HS3ST4: variants seen among roughly 807,000 people sequenced by gnomAD.
The protein encoded by HS3ST4 is heparan sulfate-glucosamine 3-sulfotransferase 4, also known as heparan sulfate glucosamine 3-O-sulfotransferase 4.
In HS3ST4, 17 loss-of-function variants were observed where a neutral mutation model predicts 29.2. The ratio of observed to expected loss-of-function variants is 0.58; its 90% CI spans 0.40 to 0.87. HS3ST4 has a LOEUF of 0.87. Ranked by LOEUF, HS3ST4 falls within the 40% of genes least tolerant of loss-of-function variation. The pLI is 0.00. For missense variants in HS3ST4, 627 were observed against 634.5 expected (o/e 0.99, Z 0.13); for synonymous variants, 314 against 285.7 (o/e 1.10, Z -1.00).
chr16:25,806,344 C>T (rs866837827), intron 1 of HS3ST4, among the ~76,000 whole-genome samples: 5 of 140,826 alleles, frequency 3.6e-5, no homozygotes, highest in African/African-American at 5.2e-5. Flanking sequence ...TATGTGTCTA[C>T]GTGGGGGCAG....
intron 1 of HS3ST4, among the ~76,000 whole-genome samples, chr16:25,860,024 G>A (rs1340093388): frequency 1.3e-5 from 2 of 152,154 alleles, no homozygotes; most frequent in African/African-American, 2.4e-5. Flanking sequence ...CTGTGCATGC[G>A]AGGGATCTAG....
At chr16:26,013,019 T>C (rs4522425) in intron 1 of HS3ST4, among the ~76,000 whole-genome samples, 108,010 of 151,600 alleles carry the variant, frequency 0.71, 39,881 homozygotes, top group African/African-American at 0.91. Flanking sequence ...AAAAATTAGC[T>C]GGGTGTGGTG....
chr16:26,062,913 C>A, intron 1 of HS3ST4: 1 of 226,612 alleles, frequency 4.4e-6, no homozygotes, highest in South Asian at 7.3e-5. Flanking sequence ...CACCAACTTT[C>A]ATGCTAACTG....
intron 1 of HS3ST4, among the ~76,000 whole-genome samples, chr16:26,119,249 G>T (rs1413075474): frequency 6.6e-6 from 1 of 152,334 alleles, no homozygotes; most frequent in South Asian, 2.1e-4. Flanking sequence ...CTCTTGCTCA[G>T]TGTGGGTAAT....
At chr16:25,990,247 G>A (rs1376819031) in intron 1 of HS3ST4, among the ~76,000 whole-genome samples, 2 of 152,284 alleles carry the variant, frequency 1.3e-5, no homozygotes, top group South Asian at 2.1e-4. Flanking sequence ...GTGGACATAC[G>A]TTTTCAGCTC....
chr16:25,727,446 A>G (rs992047739), intron 1 of HS3ST4, among the ~76,000 whole-genome samples: 5 of 152,362 alleles, frequency 3.3e-5, no homozygotes, highest in East Asian at 1.9e-4. Flanking sequence ...TATTACTTCA[A>G]TTAAAAATAG....
At chr16:25,931,733 G>A (rs1968465998) in intron 1 of HS3ST4, among the ~76,000 whole-genome samples, 1 of 152,224 alleles carries the variant, frequency 6.6e-6, no homozygotes, top group South Asian at 2.1e-4. Flanking sequence ...CAGAAAGGGA[G>A]TCTGTTATTA....
At chr16:26,034,340 G>T (rs758074952) in intron 1 of HS3ST4, among the ~76,000 whole-genome samples, 2 of 152,182 alleles carry the variant, frequency 1.3e-5, no homozygotes, top group African/African-American at 4.8e-5. Flanking sequence ...ACCGAAGCCT[G>T]ACCACAGCAC....
chr16:26,085,456 A>G (rs1319877300), intron 1 of HS3ST4, among the ~76,000 whole-genome samples: 10 of 152,228 alleles, frequency 6.6e-5, no homozygotes, highest in Non-Finnish European at 1.5e-4. Flanking sequence ...TTCATTAAGA[A>G]ATGAATACAC....
In HS3ST4 at chr16:25,790,531, T is replaced by C. The variant is rs1966866982; in HGVS notation, c.734+97380T>C. Among the ~76,000 whole-genome samples, 4 of 152,370 alleles carry C rather than the reference T, an allele frequency of 2.6e-5. No homozygotes were observed. The South Asian group carries it at 8.3e-4, about 32-fold the overall frequency. On this transcript the variant is annotated intron_variant, in intron 1 of 1. Coordinates refer to ENST00000331351, the MANE Select transcript of HS3ST4 (RefSeq NM_006040.3). The stretch of plus-strand genomic sequence containing the variant: ...CAGCAATGTTTGTGAGTCCAGGATG[T>C]AACACATCTTCACCAGCACTTGGTA...
At chr16:25,995,961 T>C (rs1295460212) in intron 1 of HS3ST4, among the ~76,000 whole-genome samples, 3 of 150,182 alleles carry the variant, frequency 2.0e-5, no homozygotes, top group Non-Finnish European at 4.4e-5. Context: ...GTCACCTTGC[T>C]AAGAAGTACA....
At chr16:26,094,284 A>C (rs547131583) in intron 1 of HS3ST4, among the ~76,000 whole-genome samples, 1 of 152,320 alleles carries the variant, frequency 6.6e-6, no homozygotes, top group African/African-American at 2.4e-5. Context: ...ATACTCCTCG[A>C]GAAGAGCAAC....
intron 1 of HS3ST4, among the ~76,000 whole-genome samples, chr16:25,782,121 G>A (rs993418521): frequency 2.0e-5 from 3 of 152,156 alleles, no homozygotes; most frequent in African/African-American, 7.2e-5. Context: ...AAGGAGAAGT[G>A]TGTGAGAGCG....
chr16:25,785,958 A>G (rs192412909), intron 1 of HS3ST4, among the ~76,000 whole-genome samples: 146 of 152,314 alleles, frequency 9.6e-4, no homozygotes, highest in Middle Eastern at 3.4e-3. Flanking sequence ...CAAGACTGGC[A>G]GTGGTGAAGA....
chr16:26,096,210 T>C (rs1442904085), intron 1 of HS3ST4, among the ~76,000 whole-genome samples: 2 of 151,974 alleles, frequency 1.3e-5, no homozygotes, highest in Non-Finnish European at 2.9e-5. Flanking sequence ...TTCCAATCAA[T>C]AGAAAAAGAG....
At chr16:25,947,867 G>A (rs1256969883) in intron 1 of HS3ST4, among the ~76,000 whole-genome samples, 2 of 152,110 alleles carry the variant, frequency 1.3e-5, no homozygotes, top group African/African-American at 2.4e-5. Flanking sequence ...AGCTGTGCAA[G>A]TGTGGGCAAA....
intron 1 of HS3ST4, among the ~76,000 whole-genome samples, chr16:25,766,066 C>T (rs1966817277): frequency 2.6e-5 from 4 of 151,970 alleles, no homozygotes; most frequent in Admixed American, 2.6e-4. Flanking sequence ...TCTACTCTGT[C>T]AGAGATGTGA....
At chr16:25,842,050 T>C (rs1002448861) in intron 1 of HS3ST4, among the ~76,000 whole-genome samples, 1 of 152,208 alleles carries the variant, frequency 6.6e-6, no homozygotes, top group Non-Finnish European at 1.5e-5. Flanking sequence ...ATTTGCAATA[T>C]ATTGGCACAA....
intron 1 of HS3ST4, among the ~76,000 whole-genome samples, chr16:26,100,398 G>C (rs1158211901): frequency 6.6e-6 from 1 of 152,210 alleles, no homozygotes; most frequent in Non-Finnish European, 1.5e-5. Context: ...TCACAGAGCA[G>C]CAGCAAATTT....
Sources: allele counts gnomAD v4.1 joint callset (sites outside exome capture counted in the v4.1 genomes callset), GRCh38; gene constraint gnomAD v4.1.1; transcripts MANE v1.5; gene names NCBI Gene and HGNC (gene_info 2026-07-23, HGNC 2026-07-21).